The following GET4 variants were observed in gnomAD, a reference collection of about 807,000 sequenced individuals.
The protein encoded by GET4 is Golgi to ER traffic protein 4 homolog.
GET4 carries 20 observed loss-of-function variants against 40.0 expected under a neutral mutation model. The observed-to-expected ratio is 0.50, with a 90% CI of 0.35 to 0.73. GET4 has a LOEUF of 0.73. GET4 is among the 30% of genes least tolerant of loss of function. The pLI is 0.01. For synonymous variants in GET4, 280 were observed against 194.6 expected (o/e 1.44, Z -3.65); for missense variants, 557 against 454.0 (o/e 1.23, Z -2.06).
At chr7:886,841 G>A (rs1844198418) in intron 3 of GET4, among the ~76,000 whole-genome samples, 191 bp downstream of exon 3, 1 of 152,244 alleles carries the variant, frequency 6.6e-6, no homozygotes, top group African/African-American at 2.4e-5. Context: ...GCGAGCACAC[G>A]GCAGGCTGAG....
At chr7:877,365 C>T in intron 1 of GET4, among the ~76,000 whole-genome samples, 1 of 122,950 alleles carries the variant, frequency 8.1e-6, no homozygotes, top group South Asian at 3.1e-4. Context: ...CCTCCCCCTG[C>T]CCCTCGTCTC....
At chr7:886,795 G>A (rs1245378760) in intron 3 of GET4, 145 bp downstream of exon 3, 13 of 646,318 alleles carry the variant, frequency 2.0e-5, no homozygotes, top group South Asian at 5.3e-5. Context: ...GTTCCCACCC[G>A]GTCTCAGTGA....
At chr7:884,720 A>AC (rs746827484) in intron 1 of GET4, 22 of 169,180 alleles carry the variant, frequency 1.3e-4, no homozygotes, top group Non-Finnish European at 2.0e-4. Flanking sequence ...TCCTGGCAAC[A>AC]CCAAGGTCAT....
chr7:878,244 C>T (rs2128626099), intron 1 of GET4: 2 of 470,744 alleles, frequency 4.2e-6, no homozygotes, highest in African/African-American at 2.0e-5. Context: ...CAGGCTGCTG[C>T]GTGGCTTGGT....
At chr7:894,081 A>ATCT (rs1554268737) in intron 8 of GET4, 110 bp downstream of exon 8, 1 of 617,224 alleles carries the variant, frequency 1.6e-6, no homozygotes, top group Non-Finnish European at 2.8e-6. Flanking sequence ...TGGTTTTCTG[A>ATCT]TCTTTTAAAT....
In GET4 at chr7:895,555, CTG is replaced by C. The variant is rs2099452347; in HGVS notation, c.*135_*136del. 3 of 535,502 alleles carry C rather than the reference CTG, an allele frequency of 5.6e-6. No individual in the cohort carries two copies. 33.2% of individuals were successfully genotyped at this position (535,502 alleles called of 1,614,324 possible). ...GCGGTGGCCGCATGCCGGCGCGTGT[CTG>C]TTTCTGTGCGGCGGCTCAGGGTGGC... On this transcript the variant is annotated 3_prime_UTR_variant, in exon 9 of 9. Coordinates refer to ENST00000265857, the MANE Select transcript of GET4 (RefSeq NM_015949.3).
At chr7:893,689 G>A (rs749658600) in intron 6 of GET4, 51 bp from the exon 7 acceptor site, 18 of 1,229,028 alleles carry the variant, frequency 1.5e-5, no homozygotes, top group Non-Finnish European at 2.0e-5. Context: ...GTGCAGGTGA[G>A]TGTGGTCCTG....
At chr7:894,460 T>C (rs1844424406) in intron 8 of GET4, among the ~76,000 whole-genome samples, 1 of 152,114 alleles carries the variant, frequency 6.6e-6, no homozygotes, top group Non-Finnish European at 1.5e-5. Context: ...CTGGGTTTAT[T>C]TTAGTGGGAG....
At chr7:890,376 G>T (rs1315874358) in intron 4 of GET4, among the ~76,000 whole-genome samples, 2 of 30,344 alleles carry the variant, frequency 6.6e-5, no homozygotes, top group Non-Finnish European at 1.4e-4. Context: ...GTGTCAGGAC[G>T]GGGTCTGGGA....
chr7:887,706 A>T (rs552005559), intron 4 of GET4, among the ~76,000 whole-genome samples, 187 bp downstream of exon 4: 1 of 152,280 alleles, frequency 6.6e-6, no homozygotes, highest in East Asian at 1.9e-4. Context: ...GCACCCGAGA[A>T]GCTGCGAGAA....
chr7:879,770 C>G (rs984913242), intron 1 of GET4: 1 of 152,228 alleles, frequency 6.6e-6, no homozygotes, highest in African/African-American at 2.4e-5. Flanking sequence ...CTGGAAGAAA[C>G]AAGTCTTTGA....
intron 3 of GET4, chr7:886,985 A>G: frequency 9.8e-6 from 5 of 512,142 alleles, no homozygotes; most frequent in Non-Finnish European, 1.5e-5. Flanking sequence ...CTGTCGGGTG[A>G]CGTGCGGTTG....
intron 1 of GET4, chr7:880,023 C>T (rs1419381346): frequency 1.3e-5 from 2 of 152,192 alleles, no homozygotes; most frequent in South Asian, 2.1e-4. Context: ...TGATGCCTGC[C>T]GTGCCTAGGA....
intron 4 of GET4, among the ~76,000 whole-genome samples, chr7:890,415 CGGGCCTGGGAGTGGAGGGAGTGT>C (rs1562896644): frequency 3.7e-4 from 14 of 37,952 alleles, no homozygotes; most frequent in African/African-American, 1.2e-3. Context: ...GGTGTTAGGA[CGGGCCTGGGAGTGGAGGGAGTGT>C]GAGCGGGTGT....
At chr7:894,619 G>A (rs980392807) in intron 8 of GET4, among the ~76,000 whole-genome samples, 1 of 152,148 alleles carries the variant, frequency 6.6e-6, no homozygotes, top group Admixed American at 6.5e-5. Flanking sequence ...CACCCGTCAG[G>A]AGCGCCCTGA....
Position 885,814 on chromosome 7 carries a change from C to A in GET4, c.156-242C>A, listed in dbSNP as rs527788602. On this transcript the variant is annotated intron_variant, in intron 1 of 8. Transcript: ENST00000265857. ...GCTCCAGGGTGAGGCTGCTTTCTGG[C>A]TCCTGGTGTATTTGGACACAGATAG... The A allele has an allele frequency of 4.0e-5, 21 of 524,414 alleles. No individual in the cohort carries two copies. The Middle Eastern group carries it at 2.6e-3, about 64-fold the overall frequency. 32.5% of individuals were successfully genotyped at this position (524,414 alleles called of 1,614,324 possible). A position where few individuals can be genotyped will look rare whatever the true frequency, so the allele number is the denominator to read the frequency against.
intron 1 of GET4, chr7:883,995 G>A: frequency 1.1e-5 from 12 of 1,125,996 alleles, no homozygotes; most frequent in Non-Finnish European, 1.3e-5. Context: ...GCAAGGCGCA[G>A]TCCAAACCAG....
At chr7:880,312 G>A (rs1488950565) in intron 1 of GET4, 1 of 152,272 alleles carries the variant, frequency 6.6e-6, no homozygotes, top group Non-Finnish European at 1.5e-5. Context: ...CTGCGCTCCA[G>A]CCTGGGCGAT....
intron 1 of GET4, chr7:882,566 G>A (rs1316094379): frequency 3.9e-5 from 6 of 152,002 alleles, no homozygotes; most frequent in Admixed American, 1.3e-4. Context: ...GTGGGCGGCC[G>A]ACCTTGCTCC....
Sources: allele counts gnomAD v4.1 joint callset (sites outside exome capture counted in the v4.1 genomes callset), GRCh38; gene constraint gnomAD v4.1.1; transcripts MANE v1.5; gene names NCBI Gene and HGNC (gene_info 2026-07-23, HGNC 2026-07-21).